Variants in DOCK10 observed in about 807,000 individuals in gnomAD.
DOCK10 encodes the protein dedicator of cytokinesis 10.
Under a neutral mutation model 280.1 loss-of-function variants are expected in DOCK10, and 145 were observed. The observed-to-expected ratio is 0.52, with a 90% confidence interval of 0.45 to 0.59. The LOEUF (loss-of-function observed/expected upper bound fraction) is 0.59. Ranked by LOEUF, DOCK10 falls within the 20% of genes least tolerant of loss-of-function variation. The pLI, the probability that DOCK10 is intolerant of heterozygous loss-of-function variation, is 0.00. For missense variants in DOCK10, 2,368 were observed against 2,651.7 expected (o/e 0.89, Z 2.35); for synonymous variants, 915 against 942.2 (o/e 0.97, Z 0.53).
intron 1 of DOCK10, among the ~76,000 whole-genome samples, chr2:225,009,318 T>C (rs1440106484): frequency 6.6e-6 from 1 of 152,148 alleles, no homozygotes; most frequent in Non-Finnish European, 1.5e-5. Context: ...AAAAAATAGG[T>C]GATATTAAGT....
In DOCK10 at chr2:224,807,992, G is replaced by C. The variant is rs1007427087; in HGVS notation, c.3504C>G (p.Asp1168Glu). 3.1e-6 allele frequency: 5 copies of C among 1,612,800 alleles called. No homozygotes were observed. In the African/African-American group the frequency reaches 6.7e-5, roughly 22 times the overall value. ...CTAAAGCTAAGTGTCTGACATCTTG[G>C]TCTTCCTGCAGGGCAAAGCCAACTT... ...LREVGFALQE[D>E]QDVRHLALAV... is the part of the protein sequence containing the mutation. The change falls in exon 32 of 56, where the codon GAC becomes GAG. Residue 1168 changes from aspartate to glutamate, a missense_variant. Physicochemically the swap from Asp to Glu is conservative, Grantham distance 45. Around this residue, in one of 2 missense-constraint regions of DOCK10, gnomAD observed 1,159 missense variants for 1,400.8 expected, o/e 0.83. Coordinates refer to ENST00000258390, the MANE Select transcript of DOCK10 (RefSeq NM_014689.3).
At chr2:225,005,576 TA>T (rs1236916961) in intron 1 of DOCK10, among the ~76,000 whole-genome samples, 18 of 152,216 alleles carry the variant, frequency 1.2e-4, no homozygotes, top group African/African-American at 4.3e-4. Flanking sequence ...TTCTTTGACG[TA>T]AACAGGACAA....
rs369506632 is a variant in DOCK10, at chr2:224,864,012, T to C, written c.1602+541A>G. On this transcript the variant is annotated intron_variant, in intron 13 of 55. Coordinates refer to ENST00000258390, the MANE Select transcript of DOCK10 (RefSeq NM_014689.3). ...TCATTATTATTAATACTCTGATCCT[T>C]GGGGTGAAAGCTTTATCCACATTTG... Among the ~76,000 whole-genome samples the C allele has an allele frequency of 1.4e-4, 21 of 152,358 alleles. 1 individual carries two copies. The highest frequency in any genetic ancestry group is 5.0e-4 in the African/African-American group (21 of 41,598).
At chr2:224,941,855 A>AAT (rs1703106442) in intron 1 of DOCK10, among the ~76,000 whole-genome samples, 1 of 152,056 alleles carries the variant, frequency 6.6e-6, no homozygotes. Flanking sequence ...AAAAAAAAAA[A>AAT]AAAAAGTTTA....
intron 7 of DOCK10, among the ~76,000 whole-genome samples, chr2:224,878,802 G>A (rs13395823): frequency 0.19 from 29,053 of 152,066 alleles, 4,828 homozygotes; most frequent in African/African-American, 0.46. Context: ...CCTTATAATG[G>A]CAGTCCCAGG....
intron 1 of DOCK10, among the ~76,000 whole-genome samples, chr2:224,977,943 T>G (rs56806564): frequency 0.014 from 2,123 of 152,316 alleles, 55 homozygotes; most frequent in African/African-American, 0.049. Context: ...GGTATCAATA[T>G]TCAAAGCCTT....
chr2:224,945,185 C>G (rs1293518481), intron 1 of DOCK10, among the ~76,000 whole-genome samples: 1 of 152,126 alleles, frequency 6.6e-6, no homozygotes, highest in African/African-American at 2.4e-5. Context: ...GAGATAAATA[C>G]AGCAGGGAAA....
chr2:225,041,763 G>T (rs1690430271), intron 1 of DOCK10, among the ~76,000 whole-genome samples: 1 of 152,130 alleles, frequency 6.6e-6, no homozygotes, highest in South Asian at 2.1e-4. Flanking sequence ...GGGGGCCCCA[G>T]CTCTAACCAG....
chr2:224,840,069 A>C lies in DOCK10; in HGVS notation c.2665T>G (p.Leu889Val), dbSNP rs925722612. 1 of 1,483,560 alleles carries C rather than the reference A, an allele frequency of 6.7e-7. No individual in the cohort carries two copies. The highest frequency in any genetic ancestry group is 1.4e-5 in the African/African-American group (1 of 72,260). 91.9% of individuals were successfully genotyped at this position (1,483,560 alleles called of 1,614,324 possible). ...TSNFIRSCKNLLNVEKIHAIM... is the reference protein window; with the variant it reads ...TSNFIRSCKNVLNVEKIHAIM... ...GCATGAATCTTTTCCACATTCAATA[A>C]GTTCTGTAGTAAATTGGCAGAAAAA... Residue 889 changes from leucine to valine, a missense_variant, in exon 24 of 56, where the codon TTA becomes GTA. Transcript: ENST00000258390.
At chr2:224,981,761 A>C (rs1274004970) in intron 1 of DOCK10, among the ~76,000 whole-genome samples, 1 of 152,256 alleles carries the variant, frequency 6.6e-6, no homozygotes, top group Non-Finnish European at 1.5e-5. Flanking sequence ...GTCAGAAAGA[A>C]AAGCCCCAAA....
chr2:224,830,901 TAAAC>T (rs140293128), intron 26 of DOCK10, among the ~76,000 whole-genome samples: 21,652 of 146,234 alleles, frequency 0.15, 1,699 homozygotes, highest in Middle Eastern at 0.2. Context: ...TTCACCTAGT[TAAAC>T]AAAACTAAAC....
At chr2:225,005,481 T>C (rs1413528757) in intron 1 of DOCK10, among the ~76,000 whole-genome samples, 2 of 152,250 alleles carry the variant, frequency 1.3e-5, no homozygotes, top group East Asian at 1.9e-4. Context: ...AATCATAGTA[T>C]TACCTGTTAG....
At chr2:224,897,946 A>T (rs1700079297) in intron 3 of DOCK10, among the ~76,000 whole-genome samples, 1 of 152,178 alleles carries the variant, frequency 6.6e-6, no homozygotes, top group Non-Finnish European at 1.5e-5. Flanking sequence ...CTGGGGAGTA[A>T]GCAGCTATCA....
intron 1 of DOCK10, chr2:224,982,396 C>G (rs1705797368): frequency 8.1e-7 from 1 of 1,231,658 alleles, no homozygotes; most frequent in African/African-American, 1.6e-5. Context: ...TACAAAATAA[C>G]TTCTATGTTG....
At chr2:224,987,490 C>G (rs892317235) in intron 1 of DOCK10, among the ~76,000 whole-genome samples, 6 of 152,194 alleles carry the variant, frequency 3.9e-5, no homozygotes, top group African/African-American at 7.2e-5. Context: ...AGGGCAAATA[C>G]TTCCAGAATA....
At chr2:224,868,943 T>G (rs1274191125) in intron 11 of DOCK10, among the ~76,000 whole-genome samples, 1 of 152,192 alleles carries the variant, frequency 6.6e-6, no homozygotes, top group East Asian at 1.9e-4. Flanking sequence ...ATTTCTACTT[T>G]GTGAATGGAA....
chr2:225,016,345 T>C (rs1689589204), intron 1 of DOCK10, among the ~76,000 whole-genome samples: 1 of 151,976 alleles, frequency 6.6e-6, no homozygotes, highest in East Asian at 1.9e-4. Context: ...TAATAATGTA[T>C]TGTAATTGGT....
At chr2:224,946,669 G>A (rs1454065147) in intron 1 of DOCK10, among the ~76,000 whole-genome samples, 2 of 152,158 alleles carry the variant, frequency 1.3e-5, no homozygotes, top group African/African-American at 2.4e-5. Flanking sequence ...AGAACAGCGT[G>A]ACTTCAAAAA....
In DOCK10 at chr2:224,765,794, G is replaced by A. The variant is rs777557667; in HGVS notation, c.6488C>T (p.Thr2163Ile). 3 of 1,613,880 alleles carry A rather than the reference G, an allele frequency of 1.9e-6. No individual in the cohort carries two copies. In the South Asian group the frequency reaches 3.3e-5, roughly 18 times the overall value. ...TGCTTTGCTAATTACTCGAGTGCAG[G>A]TTTGGTCCACTCCGCGCTTTGACAG... Reference protein sequence around the residue: ...DDLSKRGVDQTCTRVISKATP... With the variant: ...DDLSKRGVDQICTRVISKATP... Residue 2163 changes from threonine (T) to isoleucine (I), a missense_variant, in exon 56 of 56, where the codon ACC (threonine) becomes ATC (isoleucine). Thr to Ile is a moderately conservative substitution (Grantham distance 89). Transcript: ENST00000258390.
Sources: allele counts gnomAD v4.1 joint callset (sites outside exome capture counted in the v4.1 genomes callset), GRCh38; gene constraint gnomAD v4.1.1; regional missense constraint gnomAD v4.1.1; transcripts MANE v1.5; gene names NCBI Gene and HGNC (gene_info 2026-07-23, HGNC 2026-07-21).